The following NAALADL2 variants were observed in gnomAD, a reference collection of about 807,000 sequenced individuals.
NAALADL2 encodes inactive N-acetylated-alpha-linked acidic dipeptidase-like protein 2.
Under a neutral mutation model 87.2 loss-of-function variants are expected in NAALADL2, and 76 were observed. The observed-to-expected ratio is 0.87, with a 90% confidence interval of 0.72 to 1.05. NAALADL2 has a LOEUF of 1.05. NAALADL2 is among the 50% of genes least tolerant of loss of function. The pLI, the probability that NAALADL2 is intolerant of heterozygous loss-of-function variation, is 0.00. For missense variants in NAALADL2, 1,089 were observed against 945.8 expected (o/e 1.15, Z -1.99); for synonymous variants, 354 against 331.0 (o/e 1.07, Z -0.75).
intron 2 of NAALADL2, among the ~76,000 whole-genome samples, chr3:175,179,306 G>C (rs1324347016): frequency 6.6e-6 from 1 of 151,786 alleles, no homozygotes; most frequent in Non-Finnish European, 1.5e-5. Context: ...ATAAATATTA[G>C]GTGAATGAAT....
intron 1 of NAALADL2, among the ~76,000 whole-genome samples, chr3:174,903,066 C>A (rs73047016): frequency 0.11 from 16,828 of 151,880 alleles, 1,096 homozygotes; most frequent in African/African-American, 0.17. Flanking sequence ...CTCAAGTTTT[C>A]CCCCCCAAAT....
intron 1 of NAALADL2, among the ~76,000 whole-genome samples, chr3:175,085,801 C>T (rs1199922509): frequency 6.6e-6 from 1 of 152,042 alleles, no homozygotes; most frequent in African/African-American, 2.4e-5. Flanking sequence ...GCCTGTAGTC[C>T]CAGCTACTCG....
chr3:174,989,139 C>T (rs1022207549), intron 1 of NAALADL2, among the ~76,000 whole-genome samples: 1 of 152,098 alleles, frequency 6.6e-6, no homozygotes, highest in Non-Finnish European at 1.5e-5. Flanking sequence ...CACTCATGAC[C>T]GTGAGGACAG....
At chr3:174,698,150 T>C (rs978419030) in intron 2 of NAALADL2, among the ~76,000 whole-genome samples, 8 of 152,184 alleles carry the variant, frequency 5.3e-5, no homozygotes, top group African/African-American at 1.4e-4. Flanking sequence ...TATTGTGTAA[T>C]ATATAATGTT....
intron 1 of NAALADL2, among the ~76,000 whole-genome samples, chr3:174,993,187 T>C (rs1246696556): frequency 2.0e-5 from 3 of 151,660 alleles, no homozygotes; most frequent in African/African-American, 7.3e-5. Context: ...TCCTATGAAA[T>C]GGAATAGTAA....
intron 2 of NAALADL2, 149 bp from the exon 3 acceptor site, chr3:175,233,782 G>C: frequency 1.0e-5 from 6 of 599,210 alleles, no homozygotes; most frequent in Non-Finnish European, 1.8e-5. Context: ...TTTGTTTTGT[G>C]TTTATGTTTC....
intron 4 of NAALADL2, among the ~76,000 whole-genome samples, chr3:175,311,672 C>A (rs1282151034): frequency 1.4e-5 from 2 of 147,924 alleles, no homozygotes; most frequent in Non-Finnish European, 3.0e-5. Context: ...TCTTTCCTTC[C>A]TTTCCTGCTT....
chr3:175,226,189 T>G (rs1300763710), intron 2 of NAALADL2, among the ~76,000 whole-genome samples: 4 of 152,110 alleles, frequency 2.6e-5, no homozygotes, highest in Admixed American at 6.6e-5. Flanking sequence ...GAGGAGAGAC[T>G]ATTACGTTCT....
intron 3 of NAALADL2, among the ~76,000 whole-genome samples, chr3:174,846,297 G>A (rs1724607460): frequency 6.6e-6 from 1 of 152,150 alleles, no homozygotes; most frequent in Non-Finnish European, 1.5e-5. Context: ...TCATTTCCGT[G>A]TTGCTTCATA....
At chr3:174,966,615 G>A (rs1035231856) in intron 1 of NAALADL2, among the ~76,000 whole-genome samples, 19 of 152,088 alleles carry the variant, frequency 1.2e-4, no homozygotes, top group African/African-American at 3.6e-4. Flanking sequence ...GTTAGATGGC[G>A]GTAACAGAGA....
At chr3:174,927,143 A>C (rs931321288) in intron 1 of NAALADL2, among the ~76,000 whole-genome samples, 1 of 152,332 alleles carries the variant, frequency 6.6e-6, no homozygotes, top group South Asian at 2.1e-4. Flanking sequence ...GGATCAATTC[A>C]ACAAGAAGAG....
chr3:174,523,983 G>C (rs1227119001), intron 1 of NAALADL2, among the ~76,000 whole-genome samples: 1 of 151,912 alleles, frequency 6.6e-6, no homozygotes, highest in East Asian at 1.9e-4. Context: ...ACAATTTTAT[G>C]AATATACTTG....
At chr3:175,657,032 C>A (rs1167987836) in intron 11 of NAALADL2, among the ~76,000 whole-genome samples, 2 of 152,086 alleles carry the variant, frequency 1.3e-5, no homozygotes, top group East Asian at 3.9e-4. Context: ...AACGTACTTA[C>A]ATATAAGAAA....
intron 1 of NAALADL2, among the ~76,000 whole-genome samples, chr3:174,476,799 T>C (rs1201124147): frequency 6.6e-6 from 1 of 152,102 alleles, no homozygotes; most frequent in African/African-American, 2.4e-5. Flanking sequence ...AGAGGATATG[T>C]AGTTATGCAT....
chr3:175,265,729 T>C (rs1751816054), intron 4 of NAALADL2, among the ~76,000 whole-genome samples: 1 of 151,674 alleles, frequency 6.6e-6, no homozygotes, highest in South Asian at 2.1e-4. Context: ...GCCCAACGTA[T>C]ATGGTTTTGA....
chr3:175,506,956 C>G (rs985581327), intron 9 of NAALADL2, among the ~76,000 whole-genome samples: 1 of 152,158 alleles, frequency 6.6e-6, no homozygotes, highest in Non-Finnish European at 1.5e-5. Context: ...TCAGCCAGCT[C>G]TGTCATGAGT....
At chr3:174,926,598 C>T (rs985994667) in intron 1 of NAALADL2, among the ~76,000 whole-genome samples, 8 of 151,950 alleles carry the variant, frequency 5.3e-5, no homozygotes, top group African/African-American at 1.9e-4. Flanking sequence ...TCATATCCAG[C>T]CAAACTAAGC....
intron 11 of NAALADL2, among the ~76,000 whole-genome samples, chr3:175,680,982 G>T (rs934989771): frequency 6.6e-6 from 1 of 151,994 alleles, no homozygotes; most frequent in Admixed American, 6.6e-5. Flanking sequence ...GTGTGGTGGT[G>T]CACACCTGTA....
chr3:174,944,181 C>T (rs1358267076), intron 1 of NAALADL2, among the ~76,000 whole-genome samples: 1 of 152,130 alleles, frequency 6.6e-6, no homozygotes, highest in South Asian at 2.1e-4. Flanking sequence ...GGAGCTTCAT[C>T]CCAGGGAGGC....
Sources: gnomAD v4.1 joint callset for allele counts (sites outside exome capture counted in the v4.1 genomes callset) on GRCh38, gnomAD v4.1.1 for gene constraint, MANE v1.5 for transcripts, NCBI Gene and HGNC (gene_info 2026-07-23, HGNC 2026-07-21) for gene names.